Variants in BMPR2 observed in about 807,000 individuals in gnomAD.
BMPR2 encodes the protein bone morphogenetic protein receptor type-2.
A neutral mutation model predicts 100.8 loss-of-function variants in BMPR2; 29 were observed. The ratio of observed to expected loss-of-function variants is 0.29; its 90% CI spans 0.21 to 0.39. The LOEUF (loss-of-function observed/expected upper bound fraction) is 0.39. BMPR2 is among the 10% of genes least tolerant of loss of function. The pLI is 1.00. For missense variants in BMPR2, 1,011 were observed against 1,274.5 expected (o/e 0.79, Z 3.15); for synonymous variants, 382 against 442.3 (o/e 0.86, Z 1.71).
chr2:202,469,170 A>G (rs1015701917), intron 3 of BMPR2, among the ~76,000 whole-genome samples: 26 of 152,268 alleles, frequency 1.7e-4, no homozygotes, highest in Admixed American at 1.2e-3. Context: ...AGCTGGGATC[A>G]GGCATGTGCC....
At position 202,560,024 on chromosome 2, in the gene BMPR2, A is replaced by G; in HGVS notation, c.*78A>G. On this transcript the variant is annotated 3_prime_UTR_variant, in exon 13 of 13. Transcript: ENST00000374580. ...AGAAGATGTTTAAAAATAAAAAAAAAACTGCTTTATCCTCCTGTCAGCACC... is the reference window on the plus strand; with the variant it reads ...AGAAGATGTTTAAAAATAAAAAAAAGACTGCTTTATCCTCCTGTCAGCACC... 6.3e-7 allele frequency: 1 copy of G among 1,588,608 alleles called. No homozygotes were observed. Among genetic ancestry groups the G allele is most frequent in the South Asian group, 1.1e-5 (1 of 88,512 alleles).
At chr2:202,557,256 G>A (rs760580559) in intron 12 of BMPR2, among the ~76,000 whole-genome samples, 1 of 152,006 alleles carries the variant, frequency 6.6e-6, no homozygotes, top group Non-Finnish European at 1.5e-5. Context: ...GAGGTCAAGA[G>A]TTCAAGATCA....
chr2:202,485,847 T>C (rs1692767774), intron 3 of BMPR2, among the ~76,000 whole-genome samples: 1 of 151,930 alleles, frequency 6.6e-6, no homozygotes, highest in Non-Finnish European at 1.5e-5. Context: ...ACCCAGCCCC[T>C]TTGCCTTTAT....
At position 202,520,136 on chromosome 2, in the gene BMPR2, C is replaced by G; in HGVS notation, c.902C>G (p.Ser301Cys). 1.2e-6 allele frequency: 2 copies of G among 1,612,754 alleles called. No homozygotes were observed. The highest frequency in any genetic ancestry group is 1.7e-6 in the Non-Finnish European group (2 of 1,179,880). The change falls in exon 7 of 13, where the codon TCT becomes TGT. Residue 301 changes from serine (S) to cysteine (C), a missense_variant. Ser to Cys is a moderately radical substitution (Grantham distance 112). This residue lies in a region of BMPR2 where 355 missense variants were observed against 455.3 expected (regional missense o/e 0.78). Coordinates refer to ENST00000374580, the MANE Select transcript of BMPR2 (RefSeq NM_001204.7). ...LSLHTSDWVS[S>C]CRLAHSVTRG... ...CTCCACACAAGTGACTGGGTAAGCT[C>G]TTGCCGTCTTGCTCATTCTGTTACT...
chr2:202,436,908 T>C (rs1267147396), intron 1 of BMPR2, among the ~76,000 whole-genome samples: 1 of 150,704 alleles, frequency 6.6e-6, no homozygotes, highest in Non-Finnish European at 1.5e-5. Flanking sequence ...AGAATTGTGT[T>C]CCTCTCATAT....
intron 1 of BMPR2, among the ~76,000 whole-genome samples, chr2:202,434,937 T>TATATATA (rs1559037520): frequency 1.3e-4 from 13 of 97,426 alleles, no homozygotes; most frequent in South Asian, 3.6e-4. Flanking sequence ...ATATATATAT[T>TATATATA]TATTTATTTA....
rs1275953413 is a variant in BMPR2 at position 202,564,988 on chromosome 2, G to T, written c.*5042G>T. ...TTGCACCCGGGAGGCGGAGGTTGTT[G>T]CAGTGAGCCGAGATCGCGCCAATGC... On this transcript the variant is annotated 3_prime_UTR_variant, in exon 13 of 13. Transcript: ENST00000374580. The T allele has an allele frequency of 1.3e-5, 2 of 152,216 alleles. No individual in the cohort carries two copies. Among genetic ancestry groups the T allele is most frequent in the African/African-American group, 4.8e-5 (2 of 41,426 alleles). 9.4% of individuals were successfully genotyped at this position (152,216 alleles called of 1,614,324 possible).
At chr2:202,496,915 G>T (rs1391444711) in intron 3 of BMPR2, among the ~76,000 whole-genome samples, 1 of 152,252 alleles carries the variant, frequency 6.6e-6, no homozygotes, top group East Asian at 1.9e-4. Context: ...TGGAGGGAGA[G>T]GCGCGAGCAG....
At chr2:202,408,206 G>A (rs1690943980) in intron 1 of BMPR2, among the ~76,000 whole-genome samples, 1 of 152,282 alleles carries the variant, frequency 6.6e-6, no homozygotes, top group Admixed American at 6.5e-5. Context: ...ATAATGTATA[G>A]CTCTGAATAG....
rs1688679954 is a variant in BMPR2, at chr2:202,561,598, A to G, written c.*1652A>G. ...GTACTTAGTAAATGTTATATAGTTT[A>G]GTTCTAAGATAGTTCCAGGGATTAA... On this transcript the variant is annotated 3_prime_UTR_variant, in exon 13 of 13. Coordinates refer to ENST00000374580, the MANE Select transcript of BMPR2 (RefSeq NM_001204.7). The G allele has an allele frequency of 6.6e-6, 1 of 151,956 alleles. No individual in the cohort carries two copies. Among genetic ancestry groups the G allele is most frequent in the Non-Finnish European group, 1.5e-5 (1 of 67,952 alleles). 9.4% of individuals were successfully genotyped at this position (151,956 alleles called of 1,614,324 possible). A position where few individuals can be genotyped will look rare whatever the true frequency, so the allele number is the denominator to read the frequency against.
chr2:202,377,215 T>G lies in BMPR2; in HGVS notation c.-260T>G. On this transcript the variant is annotated 5_prime_UTR_variant, in exon 1 of 13. Coordinates refer to ENST00000374580, the MANE Select transcript of BMPR2 (RefSeq NM_001204.7). Reference sequence around the variant, plus strand: ...TCCCTGCTTTCCCCACAGACATGCCTTCCGTTTGGAGGGCCGCGGCACCCC... The same window carrying G: ...TCCCTGCTTTCCCCACAGACATGCCGTCCGTTTGGAGGGCCGCGGCACCCC... 1.7e-6 allele frequency: 1 copy of G among 604,320 alleles called. No homozygotes were observed. The highest frequency in any genetic ancestry group is 3.0e-6 in the Non-Finnish European group (1 of 337,438). 37.4% of individuals were successfully genotyped at this position (604,320 alleles called of 1,614,324 possible). A position where few individuals can be genotyped will look rare whatever the true frequency, so the allele number is the denominator to read the frequency against.
chr2:202,550,552 TTAAA>T (rs1446030604), intron 10 of BMPR2, among the ~76,000 whole-genome samples: 1 of 151,878 alleles, frequency 6.6e-6, no homozygotes, highest in African/African-American at 2.4e-5. Flanking sequence ...CTTTTCTCTC[TTAAA>T]TAAGAAAAAA....
Position 202,532,811 on chromosome 2 carries a change from C to A in BMPR2, c.1276+79C>A. The A allele has an allele frequency of 1.4e-6, 2 of 1,470,966 alleles. No individual in the cohort carries two copies. The highest frequency in any genetic ancestry group is 9.3e-7 in the Non-Finnish European group (1 of 1,071,280). The allele number at this position is 1,470,966 out of a possible 1,614,324, so 91.1% of individuals were successfully genotyped here. On this transcript the variant is annotated intron_variant, in intron 9 of 12. Transcript: ENST00000374580. This position sits in a 1 kb window ranked among gnomAD's most constrained non-coding sequence, Gnocchi z 4.1. ...CTTTCTCTACCTATAGTACCTAACT[C>A]AACTTTTATGTAAGAATCTTTTTAC...
At chr2:202,379,880 CAG>C (rs1302197803) in intron 1 of BMPR2, among the ~76,000 whole-genome samples, 1 of 141,112 alleles carries the variant, frequency 7.1e-6, no homozygotes, top group Non-Finnish European at 1.6e-5. Context: ...TTTGTTCAGA[CAG>C]AGTATCACTC....
chr2:202,394,346 C>T (rs754489709), intron 1 of BMPR2, among the ~76,000 whole-genome samples: 50 of 149,044 alleles, frequency 3.4e-4, no homozygotes, highest in Non-Finnish European at 6.7e-4. Flanking sequence ...AGTGAAACAA[C>T]GTCTCAAAAA....
At chr2:202,409,777 T>G (rs1690975808) in intron 1 of BMPR2, among the ~76,000 whole-genome samples, 1 of 152,196 alleles carries the variant, frequency 6.6e-6, no homozygotes, top group African/African-American at 2.4e-5. Flanking sequence ...AAAAGAATTA[T>G]ATGCAAATAT....
At chr2:202,510,667 GT>G (rs201512579) in intron 3 of BMPR2, among the ~76,000 whole-genome samples, 2 of 150,052 alleles carry the variant, frequency 1.3e-5, no homozygotes, top group Non-Finnish European at 3.0e-5. Context: ...GGTTTTTTTT[GT>G]TTTTTTTTGT....
At chr2:202,478,497 A>C (rs564656179) in intron 3 of BMPR2, among the ~76,000 whole-genome samples, 11 of 152,336 alleles carry the variant, frequency 7.2e-5, no homozygotes, top group African/African-American at 2.4e-4. Context: ...CCGTACTTCC[A>C]AAGTAGTCCC....
In BMPR2 at chr2:202,420,746, C is replaced by T. The variant is rs1691246926; in HGVS notation, c.76+43196C>T. On this transcript the variant is annotated intron_variant, in intron 1 of 12. Coordinates refer to ENST00000374580, the MANE Select transcript of BMPR2 (RefSeq NM_001204.7). ...AGTTTTAGTAGAGATGGGGTTTCAC[C>T]ATGTTGGCCAGGCTGGTCATGAACT... is the stretch of plus-strand genomic sequence containing the variant. 2.0e-5 allele frequency among the ~76,000 whole-genome samples: 3 copies of T among 151,362 alleles called. No individual in the cohort carries two copies. The South Asian group carries it at 6.3e-4, about 32-fold the overall frequency.
Sources: allele counts gnomAD v4.1 joint callset (sites outside exome capture counted in the v4.1 genomes callset), GRCh38; gene constraint gnomAD v4.1.1; regional missense constraint gnomAD v4.1.1; non-coding constraint Gnocchi (gnomAD v3.1); transcripts MANE v1.5; gene names NCBI Gene and HGNC (gene_info 2026-07-23, HGNC 2026-07-21).